Variants in THUMPD2 observed in about 807,000 individuals in gnomAD.
THUMPD2 encodes U6 snRNA (guanine-N(2))-methyltransferase THUMPD2.
Under a neutral mutation model 49.4 loss-of-function variants are expected in THUMPD2, and 56 were observed. The observed-to-expected ratio is 1.13, with a 90% CI of 0.91 to 1.41. The LOEUF is 1.41. THUMPD2 is among the 40% of genes most tolerant of loss of function. The pLI, the probability that THUMPD2 is intolerant of heterozygous loss-of-function variation, is 0.00. For synonymous variants in THUMPD2, 237 were observed against 205.2 expected (o/e 1.15, Z -1.32); for missense variants, 709 against 594.5 (o/e 1.19, Z -2.00).
intron 1 of THUMPD2, among the ~76,000 whole-genome samples, chr2:39,773,216 A>T (rs773680250): frequency 1.3e-5 from 2 of 152,310 alleles, no homozygotes; most frequent in African/African-American, 2.4e-5. Flanking sequence ...TCAAAAAGTA[A>T]ATTATCAAAA....
At chr2:39,773,352 G>A (rs1222769250) in intron 1 of THUMPD2, among the ~76,000 whole-genome samples, 1 of 151,692 alleles carries the variant, frequency 6.6e-6, no homozygotes, top group African/African-American at 2.4e-5. Context: ...GAAAATGTAT[G>A]ATTTTAAGTT....
chr2:39,754,773 G>T (rs370421534), intron 8 of THUMPD2, among the ~76,000 whole-genome samples: 52 of 152,216 alleles, frequency 3.4e-4, no homozygotes, highest in African/African-American at 1.2e-3. Context: ...TACCTCACAG[G>T]GTGGCCAACT....
At chr2:39,740,195 T>C (rs751284367) in intron 9 of THUMPD2, among the ~76,000 whole-genome samples, 1 of 152,200 alleles carries the variant, frequency 6.6e-6, no homozygotes, top group Non-Finnish European at 1.5e-5. Context: ...TGAAAAACCA[T>C]GCAAGGATGT....
At chr2:39,743,403 T>A (rs972527590) in intron 9 of THUMPD2, among the ~76,000 whole-genome samples, 1 of 152,226 alleles carries the variant, frequency 6.6e-6, no homozygotes, top group Non-Finnish European at 1.5e-5. Flanking sequence ...CCTTAGGTCA[T>A]TAGAAACCAT....
chr2:39,741,613 T>C (rs151208984), intron 9 of THUMPD2, among the ~76,000 whole-genome samples: 2 of 152,320 alleles, frequency 1.3e-5, no homozygotes, highest in Admixed American at 6.5e-5. Context: ...TCTGTACCCA[T>C]AATCCTTTAA....
intron 6 of THUMPD2, among the ~76,000 whole-genome samples, chr2:39,760,041 T>C (rs1676618454): frequency 6.6e-6 from 1 of 152,216 alleles, no homozygotes; most frequent in Non-Finnish European, 1.5e-5. Flanking sequence ...AATATGTGTG[T>C]ATTACGTGGA....
intron 1 of THUMPD2, among the ~76,000 whole-genome samples, chr2:39,772,864 T>G (rs72787316): frequency 0.011 from 1,696 of 152,326 alleles, 19 homozygotes; most frequent in Middle Eastern, 0.044. Flanking sequence ...GTTTTGGATC[T>G]GTCAAGATCT....
chr2:39,760,389 A>G (rs1240277567), intron 6 of THUMPD2, among the ~76,000 whole-genome samples: 1 of 152,180 alleles, frequency 6.6e-6, no homozygotes, highest in African/African-American at 2.4e-5. Flanking sequence ...GAGCTGGGAA[A>G]AGGACTGTAA....
intron 9 of THUMPD2, among the ~76,000 whole-genome samples, chr2:39,744,042 G>GTT (rs11303287): frequency 5.6e-5 from 8 of 142,388 alleles, no homozygotes; most frequent in African/African-American, 1.3e-4. Context: ...GAGAAGGCAG[G>GTT]TTTTTTTTTT....
At chr2:39,743,197 T>C (rs954134250) in intron 9 of THUMPD2, among the ~76,000 whole-genome samples, 3 of 152,200 alleles carry the variant, frequency 2.0e-5, no homozygotes, top group Non-Finnish European at 2.9e-5. Flanking sequence ...ATTATTTACA[T>C]AGCAGGCTCT....
chr2:39,754,505 T>A (rs1245501378), intron 8 of THUMPD2, among the ~76,000 whole-genome samples: 2 of 152,218 alleles, frequency 1.3e-5, no homozygotes, highest in Non-Finnish European at 2.9e-5. Context: ...TGATTATAGG[T>A]CTGATACTGG....
At chr2:39,762,112 T>C (rs1269558850) in intron 5 of THUMPD2, among the ~76,000 whole-genome samples, 2 of 152,164 alleles carry the variant, frequency 1.3e-5, no homozygotes, top group African/African-American at 2.4e-5. Context: ...TCTAATGCAA[T>C]GAACAAGCAG....
At chr2:39,745,881 A>C (rs775522577) in intron 8 of THUMPD2, among the ~76,000 whole-genome samples, 27 of 152,358 alleles carry the variant, frequency 1.8e-4, no homozygotes, top group Admixed American at 3.3e-4. Context: ...AAAATAATCA[A>C]AGCTTTTCTT....
chr2:39,759,906 C>T lies in THUMPD2; in HGVS notation c.891+1425G>A, dbSNP rs116647262. Among the ~76,000 whole-genome samples the T allele has an allele frequency of 4.8e-3, 725 of 152,268 alleles. 2 individuals are homozygous for T. Among genetic ancestry groups the T allele is most frequent in the African/African-American group, 0.014 (561 of 41,546 alleles). On this transcript the variant is annotated intron_variant, in intron 6 of 9. Coordinates refer to ENST00000505747, the MANE Select transcript of THUMPD2 (RefSeq NM_025264.5). ...CCACATTTGAGGAAAATACCTAAGACAAGACTTTACCCAAGCAATAAGTAA... is the reference window on the plus strand; with the variant it reads ...CCACATTTGAGGAAAATACCTAAGATAAGACTTTACCCAAGCAATAAGTAA...
At chr2:39,760,824 G>A (rs1676724864) in intron 6 of THUMPD2, among the ~76,000 whole-genome samples, 1 of 152,098 alleles carries the variant, frequency 6.6e-6, no homozygotes, top group South Asian at 2.1e-4. Context: ...CAAGCCACAT[G>A]ACAGCTGAAT....
chr2:39,761,405 T>A lies in THUMPD2; in HGVS notation c.817A>T (p.Ser273Cys). The change falls in exon 6 of 10, where the codon AGC (serine) becomes TGC (cysteine). Residue 273 changes from serine to cysteine, a missense_variant. Physicochemically the swap from Ser to Cys is moderately radical, Grantham distance 112. Transcript: ENST00000505747. ...CCAGCTGTCTTGATGTAAGCTCTGCTGGCTAGGGAAACCCTACAAAGGATA... is the reference window on the plus strand; with the variant it reads ...CCAGCTGTCTTGATGTAAGCTCTGCAGGCTAGGGAAACCCTACAAAGGATA... ...GIPVFRVSLA[S>C]RAYIKTAGLR... 1.2e-6 allele frequency: 2 copies of A among 1,613,788 alleles called. No homozygotes were observed. The highest frequency in any genetic ancestry group is 1.7e-6 in the Non-Finnish European group (2 of 1,179,748).
At chr2:39,770,618 C>T (rs1196085474) in intron 2 of THUMPD2, among the ~76,000 whole-genome samples, 1 of 151,982 alleles carries the variant, frequency 6.6e-6, no homozygotes, top group Non-Finnish European at 1.5e-5. Context: ...ACTCACAACC[C>T]ATTTATAGCT....
At chr2:39,764,185 C>G (rs529761355) in intron 5 of THUMPD2, among the ~76,000 whole-genome samples, 36 of 152,212 alleles carry the variant, frequency 2.4e-4, no homozygotes, top group Non-Finnish European at 7.3e-5. Flanking sequence ...TATCACAGAT[C>G]TGTGCTAACA....
chr2:39,774,206 C>T (rs936242941), intron 1 of THUMPD2, among the ~76,000 whole-genome samples: 1 of 152,250 alleles, frequency 6.6e-6, no homozygotes, highest in East Asian at 1.9e-4. Flanking sequence ...CCAGTGAAAA[C>T]CCTGGAATAA....
Sources: gnomAD v4.1 joint callset for allele counts (sites outside exome capture counted in the v4.1 genomes callset) on GRCh38, gnomAD v4.1.1 for gene constraint, MANE v1.5 for transcripts, NCBI Gene and HGNC (gene_info 2026-07-23, HGNC 2026-07-21) for gene names.